The following THOC1 variants were observed in gnomAD, a reference collection of about 807,000 sequenced individuals.
The protein encoded by THOC1 is THO complex subunit 1.
Under a neutral mutation model 97.3 loss-of-function variants are expected in THOC1, and 29 were observed. That is an observed-to-expected ratio of 0.30 (90% CI 0.22 to 0.41). The LOEUF (loss-of-function observed/expected upper bound fraction) is 0.41, where lower values mean the gene tolerates loss of function less well. Among genes scored for constraint, THOC1 ranks in the 10% least tolerant of loss-of-function variants. THOC1 has a pLI of 1.00. For missense variants in THOC1, 529 were observed against 761.9 expected, an observed-to-expected ratio of 0.69 and a Z score of 3.60; for synonymous variants, 255 against 257.0, an observed-to-expected ratio of 0.99 and a Z score of 0.07.
intron 9 of THOC1, among the ~76,000 whole-genome samples, chr18:250,507 T>G (rs1912244387): frequency 6.6e-6 from 1 of 152,222 alleles, no homozygotes; most frequent in Non-Finnish European, 1.5e-5. Context: ...CCAAAAAAAC[T>G]CTGGAAAACT....
chr18:246,484 G>T, intron 10 of THOC1, 29 bp from the exon 11 acceptor site: 3 of 1,551,056 alleles, frequency 1.9e-6, no homozygotes, highest in South Asian at 2.4e-5. Context: ...AGTTTTATTC[G>T]ACATTGTTAC....
intron 16 of THOC1, 74 bp from the exon 17 acceptor site, chr18:223,579 AACAAT>A: frequency 8.5e-7 from 1 of 1,182,098 alleles, no homozygotes; most frequent in South Asian, 1.4e-5. Context: ...TGAACAGAAA[AACAAT>A]ACAATGTAAA....
chr18:266,845 G>T (rs768559952), intron 1 of THOC1, among the ~76,000 whole-genome samples: 26 of 152,140 alleles, frequency 1.7e-4, no homozygotes, highest in Non-Finnish European at 2.9e-4. Flanking sequence ...CCGCCAATAT[G>T]ATCTTGGATA....
intron 19 of THOC1, 162 bp from the exon 20 acceptor site, chr18:215,666 G>A: frequency 3.4e-6 from 2 of 588,650 alleles, no homozygotes; most frequent in East Asian, 2.9e-5. Flanking sequence ...ATCCTAAGTG[G>A]GACTATCTTC....
intron 10 of THOC1, 55 bp from the exon 11 acceptor site, chr18:246,510 G>A: frequency 6.8e-7 from 1 of 1,473,182 alleles, no homozygotes; most frequent in South Asian, 1.3e-5. Flanking sequence ...TTTGTTTAGT[G>A]CTTTTCTGCA....
At chr18:236,964 A>G (rs2143215379) in intron 11 of THOC1, among the ~76,000 whole-genome samples, 1 of 151,936 alleles carries the variant, frequency 6.6e-6, no homozygotes, top group East Asian at 1.9e-4. Flanking sequence ...GTGAAAACCC[A>G]TATGAATTGT....
intron 15 of THOC1, 149 bp from the exon 16 acceptor site, chr18:224,328 C>T (rs1911200176): frequency 3.4e-6 from 2 of 594,780 alleles, no homozygotes; most frequent in Non-Finnish European, 5.8e-6. Flanking sequence ...CCTGTAATCC[C>T]AGCACTTTGG....
Position 260,177 on chromosome 18 carries a change from G to T in THOC1, c.375+9C>A. The T allele has an allele frequency of 6.7e-7, 1 of 1,492,266 alleles. No individual in the cohort carries two copies. Among genetic ancestry groups the T allele is most frequent in the South Asian group, 1.3e-5 (1 of 77,584 alleles). The allele number at this position is 1,492,266 out of a possible 1,614,324, so 92.4% of individuals were successfully genotyped here. A position where few individuals can be genotyped will look rare whatever the true frequency, so the allele number is the denominator to read the frequency against. On this transcript the variant is annotated intron_variant, in intron 5 of 20. Transcript: ENST00000261600. ...TAAAGTTAGCAGGAAAAGAAACTAA[G>T]GCACTTACTGATTTCCAAGTAGCAA...
chr18:265,903 T>G (rs1416511071), intron 1 of THOC1, among the ~76,000 whole-genome samples: 1 of 152,212 alleles, frequency 6.6e-6, no homozygotes, highest in African/African-American at 2.4e-5. Context: ...TATCCCAATT[T>G]ACCCAAACTT....
At chr18:244,400 G>A (rs2143243241) in intron 11 of THOC1, 1 of 151,950 alleles carries the variant, frequency 6.6e-6, no homozygotes, top group South Asian at 2.1e-4. Flanking sequence ...GTCACTGAGT[G>A]GTAAGTTATC....
At chr18:261,938 A>C (rs1480414790) in intron 4 of THOC1, among the ~76,000 whole-genome samples, 1 of 152,176 alleles carries the variant, frequency 6.6e-6, no homozygotes, top group African/African-American at 2.4e-5. Flanking sequence ...GAGCTTTCAC[A>C]ACCTGTGTCC....
At chr18:235,296 T>C (rs1911640403) in intron 11 of THOC1, among the ~76,000 whole-genome samples, 2 of 152,122 alleles carry the variant, frequency 1.3e-5, no homozygotes, top group East Asian at 1.9e-4. Context: ...AACATTTTCT[T>C]TTCAAAGAAA....
chr18:266,083 A>G (rs1040408700), intron 1 of THOC1, among the ~76,000 whole-genome samples: 1 of 152,220 alleles, frequency 6.6e-6, no homozygotes, highest in Non-Finnish European at 1.5e-5. Flanking sequence ...TCCTGGAGGT[A>G]TCTTGTTCAG....
chr18:230,581 T>A (rs1411791963), intron 11 of THOC1, among the ~76,000 whole-genome samples: 1 of 152,196 alleles, frequency 6.6e-6, no homozygotes, highest in Non-Finnish European at 1.5e-5. Context: ...TAAAACTACC[T>A]AGGCAAGATT....
At chr18:251,552 G>C (rs1292966926) in intron 9 of THOC1, among the ~76,000 whole-genome samples, 1 of 149,202 alleles carries the variant, frequency 6.7e-6, no homozygotes, top group Non-Finnish European at 1.5e-5. Context: ...TTGTTTTATT[G>C]TAACGTTGAT....
intron 11 of THOC1, among the ~76,000 whole-genome samples, chr18:236,536 TG>T (rs1410045716): frequency 6.6e-6 from 1 of 151,472 alleles, no homozygotes; most frequent in African/African-American, 2.4e-5. Flanking sequence ...TTTTTTTTTT[TG>T]TATTTTTAGT....
At position 260,194 on chromosome 18, in the gene THOC1, A is replaced by C; in HGVS notation, c.367T>G (p.Trp123Gly). The C allele has an allele frequency of 6.4e-7, 1 of 1,553,646 alleles. No homozygotes were observed. The change falls in exon 5 of 21, where the codon TGG (tryptophan) becomes GGG (glycine). Residue 123 changes from tryptophan to glycine, a missense_variant. Around this residue, in one of 8 missense-constraint regions of THOC1, gnomAD observed 49 missense variants for 91.7 expected, o/e 0.53. Transcript: ENST00000261600. ...FTFVEKNVAT[W>G]KSNTFYSAGK... ...GAAACTAAGGCACTTACTGATTTCC[A>C]AGTAGCAACATTTTTTTCCACAAAA...
At chr18:243,430 C>T (rs560676333) in intron 11 of THOC1, among the ~76,000 whole-genome samples, 3 of 151,980 alleles carry the variant, frequency 2.0e-5, no homozygotes, top group African/African-American at 7.2e-5. Context: ...GCTATTTGTT[C>T]GGGAGGTGGA....
At chr18:251,324 C>G (rs1008722592) in intron 9 of THOC1, among the ~76,000 whole-genome samples, 4 of 152,192 alleles carry the variant, frequency 2.6e-5, no homozygotes, top group Non-Finnish European at 5.9e-5. Context: ...AGAAATACAT[C>G]TCCCTGGGCA....
Sources: allele counts gnomAD v4.1 joint callset (sites outside exome capture counted in the v4.1 genomes callset), GRCh38; gene constraint gnomAD v4.1.1; regional missense constraint gnomAD v4.1.1; transcripts MANE v1.5; gene names NCBI Gene and HGNC (gene_info 2026-07-23, HGNC 2026-07-21).